CADPS: variants seen among roughly 807,000 people sequenced by gnomAD.
The protein encoded by CADPS is calcium-dependent secretion activator 1.
In CADPS, 57 loss-of-function variants were observed where a neutral mutation model predicts 167.3. The observed-to-expected ratio is 0.34, with a 90% confidence interval of 0.28 to 0.42. CADPS has a LOEUF of 0.42. Among genes scored for constraint, CADPS ranks in the 20% least tolerant of loss-of-function variants. The pLI is 1.00. For missense variants in CADPS, 1,414 were observed against 1,738.1 expected, an observed-to-expected ratio of 0.81 and a Z score of 3.32; for synonymous variants, 676 against 635.3, an observed-to-expected ratio of 1.06 and a Z score of -0.96.
Position 62,753,814 on chromosome 3 carries a change from AC to A in CADPS, c.556-42del. 6.4e-7 allele frequency: 1 copy of A among 1,557,056 alleles called. No individual in the cohort carries two copies. Among genetic ancestry groups the A allele is most frequent in the Non-Finnish European group, 8.7e-7 (1 of 1,145,574 alleles). ...GCCAGGAAAGACAGTAGGAGAGTTT[AC>A]CACAGAGGTACCAGTTCCCTGGGGC... On this transcript the variant is annotated intron_variant, in intron 2 of 29. Coordinates refer to ENST00000383710, the MANE Select transcript of CADPS (RefSeq NM_003716.4). This position sits in a 1 kb window ranked among gnomAD's most constrained non-coding sequence, Gnocchi z 4.6.
intron 1 of CADPS, among the ~76,000 whole-genome samples, chr3:62,855,488 G>A (rs2079506017): frequency 6.6e-6 from 1 of 151,974 alleles, no homozygotes; most frequent in African/African-American, 2.4e-5. Context: ...AGAAGAAAAG[G>A]TAAAAACATA....
intron 24 of CADPS, among the ~76,000 whole-genome samples, chr3:62,468,013 A>G (rs1365823383): frequency 6.6e-6 from 1 of 152,194 alleles, no homozygotes; most frequent in African/African-American, 2.4e-5. Context: ...AGGAAAAATA[A>G]TACAGCTAAT....
intron 1 of CADPS, among the ~76,000 whole-genome samples, chr3:62,856,182 C>T (rs1425265231): frequency 1.3e-5 from 2 of 152,110 alleles, no homozygotes; most frequent in East Asian, 1.9e-4. Context: ...TAGCCCTGAG[C>T]TCCCATGTTT....
At chr3:62,750,802 G>C (rs2082524939) in intron 3 of CADPS, among the ~76,000 whole-genome samples, 1 of 152,144 alleles carries the variant, frequency 6.6e-6, no homozygotes, top group South Asian at 2.1e-4. Context: ...TTCCCACATG[G>C]CAAGCCTTCT....
At chr3:62,830,482 C>T (rs953818253) in intron 1 of CADPS, among the ~76,000 whole-genome samples, 1 of 152,224 alleles carries the variant, frequency 6.6e-6, no homozygotes, top group Admixed American at 6.5e-5. Flanking sequence ...GCTGAAAATA[C>T]TTGTGCTGTG....
At chr3:62,603,999 T>A (rs988418773) in intron 6 of CADPS, among the ~76,000 whole-genome samples, 1 of 151,678 alleles carries the variant, frequency 6.6e-6, no homozygotes, top group Non-Finnish European at 1.5e-5. Context: ...GCTAATTTTT[T>A]TTTTTTATTT....
At chr3:62,719,045 G>A (rs2075235446) in intron 3 of CADPS, among the ~76,000 whole-genome samples, 1 of 152,220 alleles carries the variant, frequency 6.6e-6, no homozygotes, top group Non-Finnish European at 1.5e-5. Context: ...TGCATTCAGA[G>A]GTCCTGGTGA....
chr3:62,726,723 A>T (rs903621362), intron 3 of CADPS, among the ~76,000 whole-genome samples: 2 of 151,968 alleles, frequency 1.3e-5, no homozygotes, highest in African/African-American at 4.9e-5. Context: ...AAGCAAAAAC[A>T]CTATTTACCA....
At position 62,571,001 on chromosome 3, in the gene CADPS, C is replaced by T. The variant is rs1332917275; in HGVS notation, c.1578-63G>A. On this transcript the variant is annotated intron_variant, in intron 8 of 29. Coordinates refer to ENST00000383710, the MANE Select transcript of CADPS (RefSeq NM_003716.4). ...TTGAGTGAGTGAATTGTTGAACACA[C>T]TTTGCCGTGAAGCTTGGTACTTATA... 13 of 1,093,806 alleles carry T rather than the reference C, an allele frequency of 1.2e-5. No homozygotes were observed. In the East Asian group the frequency reaches 3.1e-4, roughly 26 times the overall value. 67.8% of individuals were successfully genotyped at this position (1,093,806 alleles called of 1,614,324 possible).
At chr3:62,572,827 C>G (rs1271647928) in intron 8 of CADPS, among the ~76,000 whole-genome samples, 2 of 152,180 alleles carry the variant, frequency 1.3e-5, no homozygotes, top group Non-Finnish European at 2.9e-5. Flanking sequence ...AATCCACCAC[C>G]CTTACATAAA....
intron 6 of CADPS, among the ~76,000 whole-genome samples, chr3:62,626,799 A>C (rs141018070): frequency 2.6e-4 from 39 of 152,338 alleles, no homozygotes; most frequent in Middle Eastern, 3.4e-3. Context: ...AAAAGTGAAA[A>C]TAGATTTAAA....
chr3:62,448,904 A>G (rs2057636332), intron 26 of CADPS, among the ~76,000 whole-genome samples: 1 of 152,158 alleles, frequency 6.6e-6, no homozygotes, highest in African/African-American at 2.4e-5. Flanking sequence ...GTGAGCCACC[A>G]TGCCCGGCCG....
intron 3 of CADPS, among the ~76,000 whole-genome samples, chr3:62,719,991 G>A (rs1477385681): frequency 1.3e-5 from 2 of 152,126 alleles, no homozygotes; most frequent in East Asian, 3.9e-4. Flanking sequence ...ATTTGAAAAC[G>A]GGGCTGCACC....
chr3:62,545,420 T>TG (rs1312331082), intron 11 of CADPS, among the ~76,000 whole-genome samples: 4 of 152,106 alleles, frequency 2.6e-5, no homozygotes, highest in African/African-American at 4.8e-5. Flanking sequence ...ATCGGGGAAT[T>TG]GCAAGAATTT....
rs565629205 is a variant in CADPS, at chr3:62,854,864, T to A, written c.441+19725A>T. 6.6e-5 allele frequency among the ~76,000 whole-genome samples: 10 copies of A among 152,190 alleles called. 1 individual carries two copies. Among genetic ancestry groups the A allele is most frequent in the Non-Finnish European group, 1.0e-4 (7 of 68,044 alleles). ...AGTTGACTGTCCTTTATATTTCATA[T>A]ATTTTTATTTCAAAGACTCAAACAT... is the stretch of plus-strand genomic sequence containing the variant. On this transcript the variant is annotated intron_variant, in intron 1 of 29. Coordinates refer to ENST00000383710, the MANE Select transcript of CADPS (RefSeq NM_003716.4).
rs149054470 is a variant in CADPS, at chr3:62,502,188, G to T, written c.2600-2920C>A. 2.5e-3 allele frequency among the ~76,000 whole-genome samples: 379 copies of T among 152,268 alleles called. 1 individual carries two copies. Among genetic ancestry groups the T allele is most frequent in the African/African-American group, 8.6e-3 (359 of 41,558 alleles). ...TGTACTACTAGCTAAATGGCAAAAT[G>T]GAACTAAAAGTAAATTCCCTAAGAT... On this transcript the variant is annotated intron_variant, in intron 17 of 29. Transcript: ENST00000383710.
At chr3:62,549,418 G>A (rs1343154214) in intron 11 of CADPS, among the ~76,000 whole-genome samples, 4 of 148,682 alleles carry the variant, frequency 2.7e-5, no homozygotes, top group African/African-American at 7.4e-5. Context: ...ATTTTAGCTC[G>A]GAATGGGATT....
At chr3:62,554,224 T>C (rs763397745) in intron 10 of CADPS, among the ~76,000 whole-genome samples, 9 of 152,210 alleles carry the variant, frequency 5.9e-5, no homozygotes, top group Non-Finnish European at 1.0e-4. Flanking sequence ...AAAGGTAAAG[T>C]GATGCATTTT....
rs11339967 is a variant in CADPS at position 62,502,588 on chromosome 3, TC to T, written c.2600-3321del. On this transcript the variant is annotated intron_variant, in intron 17 of 29. Coordinates refer to ENST00000383710, the MANE Select transcript of CADPS (RefSeq NM_003716.4). ...TGTGGACATTTGGAAATAAATGCTC[TC>T]TTTTGAGTATCTCAAAACCTATAAA... Among the ~76,000 whole-genome samples the T allele has an allele frequency of 5.4e-3, 820 of 152,348 alleles. 8 individuals are homozygous for T. The highest frequency in any genetic ancestry group is 0.019 in the African/African-American group (783 of 41,578).
Sources: allele counts gnomAD v4.1 joint callset (sites outside exome capture counted in the v4.1 genomes callset), GRCh38; gene constraint gnomAD v4.1.1; non-coding constraint Gnocchi (gnomAD v3.1); transcripts MANE v1.5; gene names NCBI Gene and HGNC (gene_info 2026-07-23, HGNC 2026-07-21).